Variants in SAMSN1 observed in about 807,000 individuals in gnomAD.
The protein encoded by SAMSN1 is SAM domain-containing protein SAMSN-1.
SAMSN1 carries 31 observed loss-of-function variants against 42.0 expected under a neutral mutation model. That is an observed-to-expected ratio of 0.74 (90% CI 0.55 to 1.00). The LOEUF (loss-of-function observed/expected upper bound fraction) is 1.00. Ranked by LOEUF, SAMSN1 falls within the 50% of genes least tolerant of loss-of-function variation. The pLI is 0.00. For synonymous variants in SAMSN1, 178 were observed against 151.9 expected, an observed-to-expected ratio of 1.17 and a Z score of -1.26; for missense variants, 464 against 439.4, an observed-to-expected ratio of 1.06 and a Z score of -0.50.
At chr21:14,496,728 C>T (rs1454465150) in intron 7 of SAMSN1, among the ~76,000 whole-genome samples, 6 of 152,172 alleles carry the variant, frequency 3.9e-5, no homozygotes. Context: ...GTGACCACAT[C>T]TCCCTCTCTT....
At chr21:14,612,613 T>C (rs1163890441) in intron 4 of SAMSN1, 1 of 542,344 alleles carries the variant, frequency 1.8e-6, no homozygotes, top group Non-Finnish European at 3.7e-6. Context: ...AGCTGGAAGA[T>C]GAGCAGCCAA....
At chr21:14,647,502 G>GT (rs1434059317) in intron 1 of SAMSN1, among the ~76,000 whole-genome samples, 1 of 149,154 alleles carries the variant, frequency 6.7e-6, no homozygotes, top group Non-Finnish European at 1.5e-5. Flanking sequence ...CTTTAAAGTA[G>GT]TTTTTTCCAA....
intron 5 of SAMSN1, 59 bp downstream of exon 5, chr21:14,510,251 A>C: frequency 1.3e-6 from 2 of 1,526,818 alleles, no homozygotes; most frequent in Non-Finnish European, 1.8e-6. Context: ...TTGCTGAAAC[A>C]GATCATATAA....
intron 2 of SAMSN1, among the ~76,000 whole-genome samples, chr21:14,635,307 C>A (rs1983440047): frequency 6.6e-6 from 1 of 152,074 alleles, no homozygotes; most frequent in African/African-American, 2.4e-5. Context: ...TGTAACAACC[C>A]TGCATGTCCT....
At chr21:14,532,337 T>C (rs1315897735) in intron 1 of SAMSN1, among the ~76,000 whole-genome samples, 1 of 152,188 alleles carries the variant, frequency 6.6e-6, no homozygotes, top group Non-Finnish European at 1.5e-5. Flanking sequence ...ATTTAAACAC[T>C]TTTTTTCTTA....
intron 6 of SAMSN1, among the ~76,000 whole-genome samples, chr21:14,597,673 G>A (rs578021637): frequency 9.6e-4 from 146 of 152,268 alleles, no homozygotes; most frequent in African/African-American, 3.4e-3. Context: ...AAACAAGTAT[G>A]GGGCTTATGT....
intron 7 of SAMSN1, among the ~76,000 whole-genome samples, chr21:14,490,858 C>T (rs1039309031): frequency 1.3e-5 from 2 of 152,136 alleles, no homozygotes; most frequent in African/African-American, 4.8e-5. Context: ...TCAGCTAGGG[C>T]AATCTCCACT....
intron 2 of SAMSN1, among the ~76,000 whole-genome samples, chr21:14,622,744 C>A (rs1341291396): frequency 6.6e-6 from 1 of 152,178 alleles, no homozygotes; most frequent in Non-Finnish European, 1.5e-5. Flanking sequence ...GGCAGGCCAA[C>A]ATTCAAATTC....
chr21:14,521,263 A>G (rs773184440), intron 1 of SAMSN1, 42 bp from the exon 2 acceptor site: 1 of 1,385,874 alleles, frequency 7.2e-7, no homozygotes, highest in Non-Finnish European at 1.0e-6. Flanking sequence ...CTTAGAATTT[A>G]TTTTCACTGT....
intron 2 of SAMSN1, among the ~76,000 whole-genome samples, chr21:14,573,418 T>C (rs1042420217): frequency 5.9e-5 from 9 of 152,192 alleles, no homozygotes; most frequent in Non-Finnish European, 1.0e-4. Flanking sequence ...AGTGAATTCA[T>C]ATGCATACTT....
intron 5 of SAMSN1, among the ~76,000 whole-genome samples, chr21:14,503,542 CTCT>C (rs1308215403): frequency 1.3e-5 from 2 of 152,100 alleles, no homozygotes; most frequent in Admixed American, 1.3e-4. Context: ...TGTTTGATGC[CTCT>C]GAGCTTGAGG....
At chr21:14,488,969 A>C (rs1042270153) in intron 7 of SAMSN1, among the ~76,000 whole-genome samples, 1 of 152,168 alleles carries the variant, frequency 6.6e-6, no homozygotes, top group African/African-American at 2.4e-5. Flanking sequence ...TTGTATTTGG[A>C]GGATCAAGAT....
At chr21:14,634,797 G>A (rs545883004) in intron 2 of SAMSN1, among the ~76,000 whole-genome samples, 25 of 151,884 alleles carry the variant, frequency 1.6e-4, no homozygotes, top group South Asian at 1.5e-3. Flanking sequence ...CATTTGACCC[G>A]GAAATACAAT....
chr21:14,589,591 TG>T (rs1417701760), intron 7 of SAMSN1, among the ~76,000 whole-genome samples: 1 of 152,128 alleles, frequency 6.6e-6, no homozygotes, highest in Non-Finnish European at 1.5e-5. Context: ...ATATATTTGC[TG>T]GAAAGGCATT....
At chr21:14,548,095 T>C (rs879615095), upstream of SAMSN1, among the ~76,000 whole-genome samples, 2 of 152,086 alleles carry the variant, frequency 1.3e-5, no homozygotes, top group Non-Finnish European at 2.9e-5. Flanking sequence ...TCTTAAGAAA[T>C]TGAAAGTCAT....
At chr21:14,618,855 G>C (rs1347227500) in intron 2 of SAMSN1, among the ~76,000 whole-genome samples, 2 of 152,126 alleles carry the variant, frequency 1.3e-5, no homozygotes, top group African/African-American at 4.8e-5. Flanking sequence ...CTTCACTTCA[G>C]TATCCCCTAA....
intron 1 of SAMSN1, among the ~76,000 whole-genome samples, chr21:14,541,954 T>C (rs1204463269): frequency 6.9e-6 from 1 of 145,492 alleles, no homozygotes; most frequent in Non-Finnish European, 1.5e-5. Flanking sequence ...TGATTGTGCC[T>C]GCACTCAAGC....
intron 2 of SAMSN1, among the ~76,000 whole-genome samples, chr21:14,551,726 G>A (rs902413117): frequency 3.3e-5 from 5 of 151,980 alleles, no homozygotes; most frequent in Non-Finnish European, 5.9e-5. Context: ...TTACATAACA[G>A]AAATTATGCT....
intron 6 of SAMSN1, among the ~76,000 whole-genome samples, chr21:14,601,638 C>T (rs996649140): frequency 6.6e-6 from 1 of 152,102 alleles, no homozygotes; most frequent in African/African-American, 2.4e-5. Flanking sequence ...TTTTAATTAT[C>T]CAAACTCCTG....
Sources: allele counts gnomAD v4.1 joint callset (sites outside exome capture counted in the v4.1 genomes callset), GRCh38; gene constraint gnomAD v4.1.1; transcripts MANE v1.5; gene names NCBI Gene and HGNC (gene_info 2026-07-23, HGNC 2026-07-21).